Variants in RABGAP1L observed in about 807,000 individuals in gnomAD.
RABGAP1L encodes the protein rab GTPase-activating protein 1-like.
Under a neutral mutation model 137.7 loss-of-function variants are expected in RABGAP1L, and 63 were observed. That is an observed-to-expected ratio of 0.46 (90% CI 0.37 to 0.56). The LOEUF is 0.56. RABGAP1L is among the 20% of genes least tolerant of loss of function. RABGAP1L has a pLI of 0.00. For missense variants in RABGAP1L, 1,095 were observed against 1,244.0 expected, an observed-to-expected ratio of 0.88 and a Z score of 1.80; for synonymous variants, 431 against 433.7, an observed-to-expected ratio of 0.99 and a Z score of 0.08.
chr1:174,251,499 A>G (rs1369111636), intron 6 of RABGAP1L, among the ~76,000 whole-genome samples: 1 of 152,042 alleles, frequency 6.6e-6, no homozygotes, highest in Non-Finnish European at 1.5e-5. Flanking sequence ...CTAGCTAGGT[A>G]TTTTATCTGT....
At chr1:174,521,400 A>G (rs1663377371) in intron 13 of RABGAP1L, among the ~76,000 whole-genome samples, 1 of 152,234 alleles carries the variant, frequency 6.6e-6, no homozygotes, top group African/African-American at 2.4e-5. Context: ...ATAGAAAACT[A>G]GTTTTGGAAA....
chr1:174,941,757 T>G (rs1437831296), intron 19 of RABGAP1L, among the ~76,000 whole-genome samples: 1 of 152,190 alleles, frequency 6.6e-6, no homozygotes, highest in African/African-American at 2.4e-5. Context: ...AAAACCTCCC[T>G]CCAGGACGAT....
chr1:174,978,317 C>A (rs1670820997), intron 22 of RABGAP1L, among the ~76,000 whole-genome samples: 2 of 152,188 alleles, frequency 1.3e-5, no homozygotes, highest in Non-Finnish European at 2.9e-5. Flanking sequence ...AAACTCTTAT[C>A]TTCCCCCGTC....
intron 18 of RABGAP1L, among the ~76,000 whole-genome samples, chr1:174,780,910 T>C (rs1033876654): frequency 1.3e-4 from 20 of 151,692 alleles, no homozygotes; most frequent in African/African-American, 4.6e-4. Context: ...TCATCCTTTT[T>C]ATGGCTGCAT....
At chr1:174,835,029 CT>C (rs1197512829) in intron 19 of RABGAP1L, among the ~76,000 whole-genome samples, 2 of 151,990 alleles carry the variant, frequency 1.3e-5, no homozygotes, top group Non-Finnish European at 2.9e-5. Context: ...GGAGATATGA[CT>C]TGGATTAGAG....
At chr1:174,388,843 G>C (rs551061653) in intron 12 of RABGAP1L, among the ~76,000 whole-genome samples, 5 of 152,092 alleles carry the variant, frequency 3.3e-5, no homozygotes. Context: ...ATTACATCAA[G>C]TAAAGTCACC....
chr1:174,690,016 C>T (rs1678762583), intron 15 of RABGAP1L, among the ~76,000 whole-genome samples: 1 of 152,130 alleles, frequency 6.6e-6, no homozygotes, highest in Non-Finnish European at 1.5e-5. Context: ...TTTCCTATTC[C>T]AAGTTAATTC....
At chr1:174,437,340 A>G (rs1558233409) in intron 13 of RABGAP1L, among the ~76,000 whole-genome samples, 1 of 152,234 alleles carries the variant, frequency 6.6e-6, no homozygotes, top group South Asian at 2.1e-4. Flanking sequence ...AGATGAATGG[A>G]TAACTAGAAT....
At chr1:174,693,790 A>G (rs1409563466) in intron 15 of RABGAP1L, among the ~76,000 whole-genome samples, 1 of 152,202 alleles carries the variant, frequency 6.6e-6, no homozygotes, top group African/African-American at 2.4e-5. Flanking sequence ...GAGTGATACT[A>G]ATCAAACAAC....
chr1:174,871,906 C>CT (rs1261680342), intron 19 of RABGAP1L, among the ~76,000 whole-genome samples: 4 of 152,148 alleles, frequency 2.6e-5, no homozygotes, highest in Non-Finnish European at 5.9e-5. Context: ...CTTACAAGCA[C>CT]TTGAAACATT....
chr1:174,759,378 G>A (rs1281024741), intron 18 of RABGAP1L, among the ~76,000 whole-genome samples: 1 of 151,402 alleles, frequency 6.6e-6, no homozygotes, highest in African/African-American at 2.4e-5. Context: ...GCGGATCACT[G>A]GAGGTCAGGA....
At chr1:174,297,703 A>G (rs1257722988) in intron 10 of RABGAP1L, among the ~76,000 whole-genome samples, 1 of 152,180 alleles carries the variant, frequency 6.6e-6, no homozygotes, top group African/African-American at 2.4e-5. Context: ...AGAAGGGGCC[A>G]TCGTCAGAGG....
intron 13 of RABGAP1L, chr1:174,547,987 T>A (rs1666158082): frequency 6.4e-7 from 1 of 1,550,592 alleles, no homozygotes. Context: ...TTTTAGTTCC[T>A]TTCCTGAGCC....
intron 13 of RABGAP1L, among the ~76,000 whole-genome samples, chr1:174,615,926 T>C (rs1671806372): frequency 6.6e-6 from 1 of 152,244 alleles, no homozygotes; most frequent in African/African-American, 2.4e-5. Flanking sequence ...TTTAAGCCCG[T>C]TGGAAAAGTG....
At chr1:174,172,143 C>CTTT (rs375305871) in intron 1 of RABGAP1L, among the ~76,000 whole-genome samples, 2 of 120,830 alleles carry the variant, frequency 1.7e-5, no homozygotes, top group Admixed American at 8.3e-5. Flanking sequence ...ACAGTATCTC[C>CTTT]TTTTTTTTTT....
At chr1:174,539,178 A>C (rs1052155863) in intron 13 of RABGAP1L, among the ~76,000 whole-genome samples, 1 of 152,152 alleles carries the variant, frequency 6.6e-6, no homozygotes, top group African/African-American at 2.4e-5. Flanking sequence ...ATTTTCATAG[A>C]TAAATCATAC....
intron 19 of RABGAP1L, among the ~76,000 whole-genome samples, chr1:174,860,257 A>G (rs893189005): frequency 6.6e-6 from 1 of 152,092 alleles, no homozygotes; most frequent in Admixed American, 6.6e-5. Flanking sequence ...ACAACTCGCA[A>G]CACAATATTA....
chr1:174,469,928 T>G (rs1332759849), intron 13 of RABGAP1L, among the ~76,000 whole-genome samples: 2 of 152,080 alleles, frequency 1.3e-5, no homozygotes, highest in Non-Finnish European at 2.9e-5. Flanking sequence ...AACTAGGCAC[T>G]GTAGAGCTGA....
At chr1:174,390,149 A>C (rs887955306) in intron 12 of RABGAP1L, among the ~76,000 whole-genome samples, 1 of 152,306 alleles carries the variant, frequency 6.6e-6, no homozygotes, top group East Asian at 1.9e-4. Flanking sequence ...TGCTGTATGC[A>C]GTATAATTGC....
Sources: allele counts gnomAD v4.1 joint callset (sites outside exome capture counted in the v4.1 genomes callset), GRCh38; gene constraint gnomAD v4.1.1; transcripts MANE v1.5; gene names NCBI Gene and HGNC (gene_info 2026-07-23, HGNC 2026-07-21).